SEMA6A: variants seen among roughly 807,000 people sequenced by gnomAD.
SEMA6A encodes the protein semaphorin 6A.
SEMA6A carries 25 observed loss-of-function variants against 96.8 expected under a neutral mutation model. That is an observed-to-expected ratio of 0.26 (90% CI 0.19 to 0.36). The LOEUF is 0.36. Among genes scored for constraint, SEMA6A ranks in the 10% least tolerant of loss-of-function variants. SEMA6A has a pLI of 1.00. For missense variants in SEMA6A, 1,363 were observed against 1,323.1 expected, an observed-to-expected ratio of 1.03 and a Z score of -0.47; for synonymous variants, 612 against 518.0, an observed-to-expected ratio of 1.18 and a Z score of -2.46.
At chr5:116,552,878 C>A (rs1760472894) in intron 1 of SEMA6A, among the ~76,000 whole-genome samples, 1 of 152,106 alleles carries the variant, frequency 6.6e-6, no homozygotes, top group Non-Finnish European at 1.5e-5. Context: ...AGAGTAAAAT[C>A]TTTTGTGGAT....
chr5:116,530,485 G>A (rs1359097223), intron 1 of SEMA6A, among the ~76,000 whole-genome samples: 2 of 152,094 alleles, frequency 1.3e-5, no homozygotes, highest in African/African-American at 2.4e-5. Flanking sequence ...TTATAACTCA[G>A]CTGTTCCATA....
chr5:116,480,767 T>G (rs1481008756), intron 11 of SEMA6A, among the ~76,000 whole-genome samples: 1 of 152,240 alleles, frequency 6.6e-6, no homozygotes, highest in African/African-American at 2.4e-5. Context: ...TTTCATTACC[T>G]GGGGCTCGCT....
intron 15 of SEMA6A, among the ~76,000 whole-genome samples, chr5:116,476,721 A>G (rs995199063): frequency 6.6e-6 from 1 of 152,212 alleles, no homozygotes; most frequent in Non-Finnish European, 1.5e-5. Flanking sequence ...GACATAGGTC[A>G]TCTCATAGCT....
intron 1 of SEMA6A, among the ~76,000 whole-genome samples, chr5:116,567,783 C>T (rs561979157): frequency 2.6e-5 from 4 of 152,210 alleles, no homozygotes; most frequent in African/African-American, 9.6e-5. Context: ...CGAATTCGGC[C>T]TTGTTATGAC....
At chr5:116,571,083 TATC>T (rs1209504680) in intron 1 of SEMA6A, among the ~76,000 whole-genome samples, 3 of 152,218 alleles carry the variant, frequency 2.0e-5, no homozygotes, top group South Asian at 2.1e-4. Context: ...ATTGCCGCCT[TATC>T]ATAACCACTC....
intron 1 of SEMA6A, among the ~76,000 whole-genome samples, chr5:116,543,805 C>G (rs953772317): frequency 6.6e-6 from 1 of 152,186 alleles, no homozygotes; most frequent in African/African-American, 2.4e-5. Context: ...TGTGGTCAAG[C>G]CTCAGTGCTC....
chr5:116,493,848 C>G (rs535536293), intron 6 of SEMA6A, among the ~76,000 whole-genome samples: 1 of 152,120 alleles, frequency 6.6e-6, no homozygotes, highest in Non-Finnish European at 1.5e-5. Flanking sequence ...CTTACTGATC[C>G]ATCTTCTTGC....
chr5:116,474,307 C>CACAT (rs933520438), intron 16 of SEMA6A, among the ~76,000 whole-genome samples: 6 of 148,790 alleles, frequency 4.0e-5, no homozygotes, highest in Non-Finnish European at 8.8e-5. Flanking sequence ...CACACACACA[C>CACAT]ACATCTTAAA....
At chr5:116,520,068 G>A (rs183652672) in intron 1 of SEMA6A, among the ~76,000 whole-genome samples, 63 of 152,128 alleles carry the variant, frequency 4.1e-4, no homozygotes, top group Admixed American at 1.0e-3. Context: ...CACCCAACTG[G>A]TTGACCCCAT....
intron 1 of SEMA6A, among the ~76,000 whole-genome samples, chr5:116,572,947 C>G (rs1243959111): frequency 3.3e-5 from 5 of 152,180 alleles, no homozygotes; most frequent in Admixed American, 3.3e-4. Flanking sequence ...GGAGGGGCGG[C>G]GAGGGAGCGG....
intron 1 of SEMA6A, among the ~76,000 whole-genome samples, chr5:116,509,604 G>A (rs1341361477): frequency 9.3e-6 from 1 of 106,964 alleles, no homozygotes; most frequent in Non-Finnish European, 1.8e-5. Flanking sequence ...GTCTCTGTGT[G>A]TGTGAGAGAG....
At chr5:116,538,237 T>G (rs1759810835) in intron 1 of SEMA6A, among the ~76,000 whole-genome samples, 1 of 152,124 alleles carries the variant, frequency 6.6e-6, no homozygotes, top group African/African-American at 2.4e-5. Context: ...ACCAAATACT[T>G]TACACATGAA....
At chr5:116,519,436 G>T (rs1337088630) in intron 1 of SEMA6A, among the ~76,000 whole-genome samples, 2 of 152,148 alleles carry the variant, frequency 1.3e-5, no homozygotes, top group Non-Finnish European at 2.9e-5. Context: ...TCCTTTGACT[G>T]TTCAATTAAA....
At chr5:116,474,285 C>CACACAA (rs1554083464) in intron 16 of SEMA6A, among the ~76,000 whole-genome samples, 1 of 150,504 alleles carries the variant, frequency 6.6e-6, no homozygotes, top group African/African-American at 2.5e-5. Context: ...CATGCACACA[C>CACACAA]ACACACACAC....
At chr5:116,474,465 C>G (rs911230730) in intron 16 of SEMA6A, among the ~76,000 whole-genome samples, 1 of 152,170 alleles carries the variant, frequency 6.6e-6, no homozygotes, top group Non-Finnish European at 1.5e-5. Context: ...TATTTATTAA[C>G]TCATCAATTT....
intron 18 of SEMA6A, among the ~76,000 whole-genome samples, chr5:116,452,724 G>T (rs907461912): frequency 1.3e-5 from 2 of 152,186 alleles, no homozygotes; most frequent in African/African-American, 4.8e-5. Context: ...TCCGTGCAAA[G>T]GGAACCTAGC....
intron 1 of SEMA6A, among the ~76,000 whole-genome samples, chr5:116,518,967 TG>T (rs1250568297): frequency 6.6e-6 from 1 of 152,028 alleles, no homozygotes. Context: ...ATTTTCCTAC[TG>T]GGTTAACATA....
Position 116,447,550 on chromosome 5 carries a change from G to A in SEMA6A, c.2156C>T (p.Pro719Leu), listed in dbSNP as rs529963639. ...FGDTQSKDPK[P>L]EAILTPLMHN... Reference sequence around the variant, plus strand: ...CATGAGTGGCGTGAGGATGGCCTCCGGCTTTGGGTCTTTGGATTGAGTGTC... The same window carrying A: ...CATGAGTGGCGTGAGGATGGCCTCCAGCTTTGGGTCTTTGGATTGAGTGTC... The change falls in exon 19 of 19, where the codon CCG becomes CTG. Residue 719 changes from proline (P) to leucine (L), a missense_variant. By Grantham distance (98) the Pro-to-Leu change is moderately conservative. Transcript: ENST00000343348. 3.1e-6 allele frequency: 5 copies of A among 1,614,070 alleles called. No individual in the cohort carries two copies. The Admixed American group carries it at 5.0e-5, about 16-fold the overall frequency.
At chr5:116,450,252 G>A (rs1339871824) in intron 18 of SEMA6A, among the ~76,000 whole-genome samples, 1 of 151,926 alleles carries the variant, frequency 6.6e-6, no homozygotes, top group Non-Finnish European at 1.5e-5. Context: ...GTAATGGGGT[G>A]GGGGTGTATT....
Sources: allele counts gnomAD v4.1 joint callset (sites outside exome capture counted in the v4.1 genomes callset), GRCh38; gene constraint gnomAD v4.1.1; transcripts MANE v1.5; gene names NCBI Gene and HGNC (gene_info 2026-07-23, HGNC 2026-07-21).